TXNL4A: variants seen among roughly 807,000 people sequenced by gnomAD.
TXNL4A encodes the protein thioredoxin like 4A.
Under a neutral mutation model 14.6 loss-of-function variants are expected in TXNL4A, and 17 were observed. The observed-to-expected ratio is 1.16, with a 90% confidence interval of 0.80 to 1.74. TXNL4A has a LOEUF of 1.74. Among genes scored for constraint, TXNL4A ranks in the 40% most tolerant of loss-of-function variants. TXNL4A has a pLI of 0.00. For synonymous variants in TXNL4A, 83 were observed against 70.6 expected (o/e 1.18, Z -0.88); for missense variants, 74 against 195.2 (o/e 0.38, Z 3.70).
chr18:79,977,791 T>C, intron 1 of TXNL4A, 90 bp from the exon 2 acceptor site: 2 of 907,734 alleles, frequency 2.2e-6, no homozygotes, highest in Non-Finnish European at 3.4e-6. Flanking sequence ...AAACCAAGAA[T>C]TTGTGTGGAT....
At chr18:80,020,658 A>G (rs1182540219) in intron 1 of TXNL4A, among the ~76,000 whole-genome samples, 2 of 152,122 alleles carry the variant, frequency 1.3e-5, no homozygotes, top group Non-Finnish European at 2.9e-5. Flanking sequence ...GTCAGGCTTT[A>G]GCTGATTAAA....
rs908206915 is a variant in TXNL4A at position 79,971,514 on chromosome 18, G to A, written c.*2171C>T. 6.6e-6 allele frequency: 1 copy of A among 152,150 alleles called. No individual in the cohort carries two copies. Among genetic ancestry groups the A allele is most frequent in the African/African-American group, 2.4e-5 (1 of 41,398 alleles). The allele number at this position is 152,150 out of a possible 1,614,324, so 9.4% of individuals were successfully genotyped here. On this transcript the variant is annotated 3_prime_UTR_variant, in exon 3 of 3. Transcript: ENST00000269601. ...AGCTAATTGTTCTGTATTTTTTGTA[G>A]AGACAGGGTCTCACCAGGTTGCCCA...
intron 1 of TXNL4A, chr18:79,986,757 T>C (rs1204725825): frequency 2.0e-5 from 20 of 985,350 alleles, no homozygotes; most frequent in Non-Finnish European, 2.3e-5. Flanking sequence ...CCACCTGCAA[T>C]GTAGAACAGT....
At chr18:80,015,355 A>AATTATTATTATTATTATTATTATT (rs60860228) in intron 1 of TXNL4A, among the ~76,000 whole-genome samples, 21 of 148,500 alleles carry the variant, frequency 1.4e-4, no homozygotes, top group African/African-American at 5.2e-4. Flanking sequence ...TTTTTTAAAA[A>AATTATTATTATTATTATTATTATT]ATTATTATTA....
intron 1 of TXNL4A, among the ~76,000 whole-genome samples, chr18:80,014,256 G>T (rs1377386954): frequency 6.6e-6 from 1 of 151,952 alleles, no homozygotes; most frequent in Non-Finnish European, 1.5e-5. Context: ...ACTCATTTCA[G>T]AATTACCCCA....
chr18:79,988,569 C>T (rs2051595236), upstream of TXNL4A: 3 of 592,764 alleles, frequency 5.1e-6, no homozygotes, highest in Non-Finnish European at 7.4e-6. Flanking sequence ...CGTCTGGGCG[C>T]GCACGCACCG....
chr18:79,978,916 C>T (rs2051420850), intron 1 of TXNL4A, among the ~76,000 whole-genome samples: 1 of 151,224 alleles, frequency 6.6e-6, no homozygotes, highest in South Asian at 2.1e-4. Flanking sequence ...ATTTTGTATG[C>T]TGCTTTAATT....
chr18:80,014,130 T>C (rs867256568), intron 1 of TXNL4A, among the ~76,000 whole-genome samples: 1 of 152,136 alleles, frequency 6.6e-6, no homozygotes, highest in Non-Finnish European at 1.5e-5. Context: ...ACAATTCATG[T>C]TGAGATTTCG....
chr18:79,992,134 C>G (rs931876475), upstream of TXNL4A, among the ~76,000 whole-genome samples: 10 of 152,196 alleles, frequency 6.6e-5, no homozygotes, highest in East Asian at 1.9e-4. Flanking sequence ...TCTCAGTGAG[C>G]AGAGGGATGA....
intron 1 of TXNL4A, among the ~76,000 whole-genome samples, chr18:80,019,230 C>T (rs1424040713): frequency 6.6e-6 from 1 of 152,100 alleles, no homozygotes; most frequent in Non-Finnish European, 1.5e-5. Flanking sequence ...AAACTAGGAA[C>T]AAGAAAAGGT....
chr18:80,009,432 T>C (rs2051755186), intron 1 of TXNL4A, among the ~76,000 whole-genome samples: 1 of 152,170 alleles, frequency 6.6e-6, no homozygotes, highest in South Asian at 2.1e-4. Context: ...TGCACTCCTG[T>C]TGTTGGGAGG....
intron 1 of TXNL4A, among the ~76,000 whole-genome samples, chr18:79,998,089 C>G (rs2051674410): frequency 6.6e-6 from 1 of 152,012 alleles, no homozygotes; most frequent in African/African-American, 2.4e-5. Flanking sequence ...GTCAGGAGAT[C>G]GAGACCATTC....
chr18:80,027,725 A>G (rs1031095235), intron 1 of TXNL4A, among the ~76,000 whole-genome samples: 2 of 152,186 alleles, frequency 1.3e-5, no homozygotes, highest in Admixed American at 6.5e-5. Flanking sequence ...AAGATGGTCT[A>G]TATTTACTCA....
At chr18:80,001,199 G>A (rs1397042439) in intron 1 of TXNL4A, among the ~76,000 whole-genome samples, 1 of 152,222 alleles carries the variant, frequency 6.6e-6, no homozygotes, top group Non-Finnish European at 1.5e-5. Flanking sequence ...CTAAGCCTTG[G>A]CAGCTTCCAC....
At chr18:80,017,348 C>T (rs900945379) in intron 1 of TXNL4A, among the ~76,000 whole-genome samples, 4 of 152,040 alleles carry the variant, frequency 2.6e-5, no homozygotes, top group Admixed American at 6.6e-5. Flanking sequence ...ATTGAATACC[C>T]TTTATTTCCT....
intron 1 of TXNL4A, among the ~76,000 whole-genome samples, chr18:79,995,892 G>T (rs1296043278): frequency 2.0e-5 from 3 of 151,930 alleles, no homozygotes; most frequent in African/African-American, 4.8e-5. Context: ...CATGAGGTCA[G>T]GAGATCGAGA....
intron 1 of TXNL4A, among the ~76,000 whole-genome samples, chr18:80,026,437 G>C (rs2051884944): frequency 6.6e-6 from 1 of 152,076 alleles, no homozygotes; most frequent in South Asian, 2.1e-4. Context: ...AAGACTAGGG[G>C]TGCTCCGAGA....
intron 1 of TXNL4A, among the ~76,000 whole-genome samples, chr18:79,985,316 C>T (rs1269397884): frequency 6.6e-6 from 1 of 152,086 alleles, no homozygotes; most frequent in Non-Finnish European, 1.5e-5. Flanking sequence ...CATGCAGTGG[C>T]GCGATCACGG....
At chr18:80,010,734 C>A (rs999145305) in intron 1 of TXNL4A, among the ~76,000 whole-genome samples, 1 of 152,202 alleles carries the variant, frequency 6.6e-6, no homozygotes, top group Middle Eastern at 3.2e-3. Context: ...TAGCCACGGG[C>A]ATGTCTCCAG....
Sources: gnomAD v4.1 joint callset for allele counts (sites outside exome capture counted in the v4.1 genomes callset) on GRCh38, gnomAD v4.1.1 for gene constraint, MANE v1.5 for transcripts, NCBI Gene and HGNC (gene_info 2026-07-23, HGNC 2026-07-21) for gene names.